NEB: variants seen among roughly 807,000 people sequenced by gnomAD.
NEB encodes nemaline myopathy type 2.
Under a neutral mutation model 952.2 loss-of-function variants are expected in NEB, and 512 were observed. That is an observed-to-expected ratio of 0.54 (90% CI 0.50 to 0.58). The LOEUF (loss-of-function observed/expected upper bound fraction) is 0.58. Ranked by LOEUF, NEB falls within the 20% of genes least tolerant of loss-of-function variation. The probability of loss-of-function intolerance (pLI) is 0.00; values close to 1 mark genes in which losing one functional copy is unlikely to be tolerated. For missense variants in NEB, 8,428 were observed against 9,231.1 expected, an observed-to-expected ratio of 0.91 and a Z score of 3.56; for synonymous variants, 2,900 against 3,149.8, an observed-to-expected ratio of 0.92 and a Z score of 2.66.
rs762215688 is a variant in NEB, at chr2:151,710,435, G to A, written c.926C>T (p.Thr309Ile). The change falls in exon 11 of 182, where the codon ACA (threonine) becomes ATA (isoleucine). Residue 309 changes from threonine to isoleucine, a missense_variant and splice_region_variant. Physicochemically the swap from Thr to Ile is moderately conservative, Grantham distance 89. Coordinates refer to ENST00000397345, the MANE Select transcript of NEB (RefSeq NM_001164508.2). ...NARMNADNISTRKYQEDFENM... is the reference protein window; with the variant it reads ...NARMNADNISIRKYQEDFENM... ...ACCAGCCATCCCTTCCCACTTAACT[G>A]TGCTAATGTTATCAGCATTCATTCT... 39 of 1,602,868 alleles carry A rather than the reference G, an allele frequency of 2.4e-5. No homozygotes were observed. The highest frequency in any genetic ancestry group is 3.1e-5 in the Non-Finnish European group (36 of 1,170,248).
chr2:151,718,859 T>A (rs1398669800), intron 9 of NEB, among the ~76,000 whole-genome samples: 1 of 152,248 alleles, frequency 6.6e-6, no homozygotes, highest in Non-Finnish European at 1.5e-5. Flanking sequence ...TTCCTCTGGT[T>A]CTTTTGTTCC....
In NEB at chr2:151,643,913, C is replaced by T. The variant is rs781745506; in HGVS notation, c.7861G>A (p.Asp2621Asn). 2.5e-5 allele frequency: 40 copies of T among 1,613,830 alleles called. No individual in the cohort carries two copies. In the Admixed American group the frequency reaches 4.0e-4, roughly 16 times the overall value. ...TGCAGGTAGTTCTTGTAGTCCACGT[C>T]GCTGACTAAGGTCTGGCACTTCTTG... The part of the protein sequence containing the change: ...LAKKCQTLVS[D>N]VDYKNYLHQW... Residue 2621 changes from aspartate (D) to asparagine (N), a missense_variant, in exon 57 of 182, where the codon GAC (aspartate) becomes AAC (asparagine). By Grantham distance (23) the Asp-to-Asn change is conservative. This residue lies in a region of NEB where 1,772 missense variants were observed against 1,960.3 expected (regional missense o/e 0.90). Coordinates refer to ENST00000397345, the MANE Select transcript of NEB (RefSeq NM_001164508.2).
intron 166 of NEB, 98 bp from the exon 167 acceptor site, chr2:151,502,983 T>A: frequency 1.4e-6 from 1 of 695,646 alleles, no homozygotes; most frequent in South Asian, 1.8e-5. Flanking sequence ...GAGGAGGCAG[T>A]TTTTTAGTAA....
intron 165 of NEB, among the ~76,000 whole-genome samples, chr2:151,504,216 G>A (rs144791747): frequency 9.2e-5 from 14 of 152,218 alleles, no homozygotes; most frequent in African/African-American, 1.7e-4. Context: ...GGGGAGCAAC[G>A]TACCCAGATT....
At chr2:151,688,215 G>T (rs1180385328) in intron 25 of NEB, 77 bp downstream of exon 25, 1 of 1,203,038 alleles carries the variant, frequency 8.3e-7, no homozygotes, top group Non-Finnish European at 1.2e-6. Context: ...ACAATTCCTT[G>T]TCTTGTCTTT....
intron 77 of NEB, among the ~76,000 whole-genome samples, chr2:151,613,110 C>A (rs1160317242): frequency 6.6e-6 from 1 of 152,120 alleles, no homozygotes; most frequent in African/African-American, 2.4e-5. Flanking sequence ...ACTGTCACTG[C>A]TTTTATCATT....
In NEB at chr2:151,665,329, T is replaced by G; in HGVS notation, c.5238+4A>C. The G allele has an allele frequency of 6.2e-7, 1 of 1,613,480 alleles. No homozygotes were observed. The highest frequency in any genetic ancestry group is 1.1e-5 in the South Asian group (1 of 90,954). ...CTGGGCGAGGCTGGCAGGTGAGTCC[T>G]TACCTTGTCCATGTTCAGTTTGTTA... On this transcript the variant is annotated splice_donor_region_variant and intron_variant, in intron 42 of 181. Transcript: ENST00000397345.
intron 3 of NEB, among the ~76,000 whole-genome samples, chr2:151,732,872 C>T (rs1417461160): frequency 6.6e-6 from 1 of 152,150 alleles, no homozygotes; most frequent in Non-Finnish European, 1.5e-5. Flanking sequence ...CCTGCCTTTA[C>T]TCCAACTTGG....
intron 168 of NEB, among the ~76,000 whole-genome samples, chr2:151,500,513 A>T (rs1462749887): frequency 2.0e-5 from 3 of 151,434 alleles, no homozygotes; most frequent in East Asian, 1.9e-4. Context: ...TTTGTATATT[A>T]AAAAAAAATC....
chr2:151,702,999 G>C (rs992180309), intron 13 of NEB, among the ~76,000 whole-genome samples: 4 of 151,904 alleles, frequency 2.6e-5, no homozygotes, highest in African/African-American at 7.3e-5. Flanking sequence ...GGCTGGTACC[G>C]GTTGTTGCTT....
At chr2:151,485,989 C>T (rs2049986615) in intron 181 of NEB, 56 bp from the exon 182 acceptor site, 1 of 1,536,208 alleles carries the variant, frequency 6.5e-7, no homozygotes, top group African/African-American at 1.4e-5. Flanking sequence ...CAACAGTTAA[C>T]ACACATCTAT....
intron 7 of NEB, among the ~76,000 whole-genome samples, 182 bp downstream of exon 7, chr2:151,724,675 C>G (rs1447253347): frequency 6.6e-6 from 1 of 152,192 alleles, no homozygotes; most frequent in Non-Finnish European, 1.5e-5. Context: ...CTTCCATCCA[C>G]CCATAGGTTC....
At position 151,653,995 on chromosome 2, in the gene NEB, A is replaced by G. The variant is rs754272319; in HGVS notation, c.6912T>C (p.Ser2304=). ...QLAKASRDIA[S]DYKYKQGYRK... is the part of the protein sequence containing the mutation. ...TAGAACTCAAACTAGTACTCACATC[A>G]CTAGCAATGTCTCTTGAAGCTTTAG... Residue 2304 remains serine (S), a synonymous_variant, in exon 52 of 182, where the codon AGT becomes AGC. Transcript: ENST00000397345. The G allele has an allele frequency of 6.2e-7, 1 of 1,605,422 alleles. No homozygotes were observed. The highest frequency in any genetic ancestry group is 8.5e-7 in the Non-Finnish European group (1 of 1,172,530).
intron 84 of NEB, among the ~76,000 whole-genome samples, chr2:151,605,855 G>T (rs1263758629): frequency 1.0e-5 from 1 of 96,940 alleles, no homozygotes; most frequent in South Asian, 2.9e-4. Context: ...AGGCTGGAAC[G>T]CAATGGCATG....
At position 151,503,411 on chromosome 2, in the gene NEB, T is replaced by C. The variant is rs1322894219; in HGVS notation, c.23773A>G (p.Ile7925Val). The change falls in exon 166 of 182, where the codon ATT becomes GTT. Residue 7925 changes from isoleucine to valine, a missense_variant. Physicochemically the swap from Ile to Val is conservative, Grantham distance 29. Around this residue, in one of 11 missense-constraint regions of NEB, gnomAD observed 3,374 missense variants for 3,651.5 expected, o/e 0.92. Transcript: ENST00000397345. ...VMYKENLGTG[I>V]PTTVTPEIER... ...ATCTCTGGAGTCACAGTGGTTGGAA[T>C]GCCTGTTCCCAAGTTTTCTTTGTAC... 1.2e-6 allele frequency: 2 copies of C among 1,612,670 alleles called. No individual in the cohort carries two copies.
At chr2:151,646,337 C>T in intron 54 of NEB, 103 bp from the exon 55 acceptor site, 3 of 865,244 alleles carry the variant, frequency 3.5e-6, no homozygotes, top group Non-Finnish European at 3.7e-6. Flanking sequence ...AAACATTATA[C>T]AGAATTGATA....
chr2:151,529,234 C>T lies in NEB; in HGVS notation c.21711G>A (p.Lys7237=). 2 of 1,612,982 alleles carry T rather than the reference C, an allele frequency of 1.2e-6. No individual in the cohort carries two copies. The highest frequency in any genetic ancestry group is 1.7e-6 in the Non-Finnish European group (2 of 1,179,010). Residue 7237 remains lysine, a synonymous_variant, in exon 146 of 182, where the codon AAG becomes AAA. Coordinates refer to ENST00000397345, the MANE Select transcript of NEB (RefSeq NM_001164508.2). ...EPDAVHIKAA[K]DAYKVNTNLD... ...CATTGGTGTTGACTTTGTAGGCGTC[C>T]TTGGCTGCTTTGATATGAACAGCAT... is the stretch of plus-strand genomic sequence containing the variant.
chr2:151,510,558 G>A (rs1360397561), intron 161 of NEB, among the ~76,000 whole-genome samples: 2 of 152,180 alleles, frequency 1.3e-5, no homozygotes, highest in East Asian at 3.9e-4. Context: ...TCAAAAATAA[G>A]AGTACATTAC....
rs537031468 is a variant in NEB at position 151,551,903 on chromosome 2, T to A, written c.19837-58A>T. On this transcript the variant is annotated intron_variant, in intron 128 of 181. Transcript: ENST00000397345. ...GAGAATGGGAACCCAGGTTCCTCTTTAAAAAAAATAACGGTAGCCTGCTTC... is the reference window on the plus strand; with the variant it reads ...GAGAATGGGAACCCAGGTTCCTCTTAAAAAAAAATAACGGTAGCCTGCTTC... 3.4e-5 allele frequency: 41 copies of A among 1,214,888 alleles called. No individual in the cohort carries two copies. The African/African-American group carries it at 4.0e-4, about 12-fold the overall frequency. The allele number at this position is 1,214,888 out of a possible 1,614,324, so 75.3% of individuals were successfully genotyped here. A position where few individuals can be genotyped will look rare whatever the true frequency, so the allele number is the denominator to read the frequency against.
Sources: gnomAD v4.1 joint callset for allele counts (sites outside exome capture counted in the v4.1 genomes callset) on GRCh38, gnomAD v4.1.1 for gene constraint, gnomAD v4.1.1 regional missense constraint, MANE v1.5 for transcripts, NCBI Gene and HGNC (gene_info 2026-07-23, HGNC 2026-07-21) for gene names.